The following PSMA8 variants were observed in gnomAD, a reference collection of about 807,000 sequenced individuals.
PSMA8 encodes proteasome subunit alpha-type 8.
PSMA8 carries 18 observed loss-of-function variants against 32.4 expected under a neutral mutation model. The ratio of observed to expected loss-of-function variants is 0.56; its 90% CI spans 0.38 to 0.82. PSMA8 has a LOEUF of 0.82. Ranked by LOEUF, PSMA8 falls within the 40% of genes least tolerant of loss-of-function variation. The pLI, the probability that PSMA8 is intolerant of heterozygous loss-of-function variation, is 0.00. For missense variants in PSMA8, 298 were observed against 300.7 expected (o/e 0.99, Z 0.07); for synonymous variants, 104 against 98.1 (o/e 1.06, Z -0.36).
intron 6 of PSMA8, among the ~76,000 whole-genome samples, chr18:26,190,022 A>G (rs1477107047): frequency 6.6e-6 from 1 of 152,176 alleles, no homozygotes; most frequent in Admixed American, 6.5e-5. Flanking sequence ...GGAGATCATT[A>G]TGTTAAATAA....
At chr18:26,165,675 TA>T (rs372422301) in intron 4 of PSMA8, among the ~76,000 whole-genome samples, 8,553 of 146,594 alleles carry the variant, frequency 0.058, 701 homozygotes, top group African/African-American at 0.19. Context: ...ATAGCAGTGA[TA>T]AAAAAAAAAA....
intron 4 of PSMA8, 148 bp downstream of exon 4, chr18:26,158,392 T>TTAAG: frequency 1.5e-6 from 1 of 685,134 alleles, no homozygotes; most frequent in Non-Finnish European, 2.3e-6. Context: ...GAAACTACAA[T>TTAAG]GATTTTGGTT....
chr18:26,143,961 G>A (rs933942356), intron 1 of PSMA8, among the ~76,000 whole-genome samples: 4 of 151,878 alleles, frequency 2.6e-5, no homozygotes, highest in East Asian at 1.9e-4. Flanking sequence ...ACCTCAAGTC[G>A]TCCTCCTGCC....
chr18:26,158,369 A>G, intron 4 of PSMA8, 125 bp downstream of exon 4: 2 of 777,186 alleles, frequency 2.6e-6, no homozygotes, highest in African/African-American at 1.8e-5. Context: ...AAATGTAACT[A>G]TTCAGCTCGT....
chr18:26,176,982 T>TC (rs1372317220), intron 4 of PSMA8, among the ~76,000 whole-genome samples: 1 of 152,032 alleles, frequency 6.6e-6, no homozygotes, highest in Non-Finnish European at 1.5e-5. Flanking sequence ...ACTGAGACAT[T>TC]CCCCCATTTA....
intron 3 of PSMA8, among the ~76,000 whole-genome samples, chr18:26,156,941 C>A (rs1245734303): frequency 6.6e-6 from 1 of 150,824 alleles, no homozygotes; most frequent in Admixed American, 6.6e-5. Context: ...TGCACACCAC[C>A]ATGCCTGGCT....
intron 3 of PSMA8, among the ~76,000 whole-genome samples, chr18:26,153,977 C>T (rs1370326561): frequency 6.6e-6 from 1 of 152,166 alleles, no homozygotes; most frequent in Non-Finnish European, 1.5e-5. Context: ...TCTCAGCTCC[C>T]TGCAACCTCT....
At chr18:26,143,883 G>A (rs766738196) in intron 1 of PSMA8, among the ~76,000 whole-genome samples, 9 of 151,922 alleles carry the variant, frequency 5.9e-5, no homozygotes, top group African/African-American at 1.9e-4. Flanking sequence ...CACTATGCCC[G>A]GCTAATTTTT....
intron 3 of PSMA8, among the ~76,000 whole-genome samples, chr18:26,155,842 A>G (rs1457935927): frequency 2.6e-5 from 4 of 152,220 alleles, no homozygotes; most frequent in African/African-American, 9.6e-5. Context: ...CAGCCAAAGA[A>G]ACAGTCAACA....
intron 6 of PSMA8, among the ~76,000 whole-genome samples, chr18:26,191,302 G>T (rs1007905718): frequency 6.6e-6 from 1 of 151,814 alleles, no homozygotes; most frequent in Non-Finnish European, 1.5e-5. Flanking sequence ...TTAGATTTTT[G>T]TATATAAATG....
intron 1 of PSMA8, among the ~76,000 whole-genome samples, chr18:26,136,708 C>T (rs1251701559): frequency 1.3e-5 from 2 of 152,130 alleles, no homozygotes; most frequent in Non-Finnish European, 2.9e-5. Flanking sequence ...TCTTTAATTT[C>T]AGGTATATTT....
At chr18:26,181,428 T>C (rs1347838387) in intron 6 of PSMA8, among the ~76,000 whole-genome samples, 1 of 152,034 alleles carries the variant, frequency 6.6e-6, no homozygotes, top group Non-Finnish European at 1.5e-5. Flanking sequence ...CATAACAATA[T>C]TGAAAATAGG....
At chr18:26,158,480 CAAGT>C in intron 4 of PSMA8, among the ~76,000 whole-genome samples, 1 of 152,216 alleles carries the variant, frequency 6.6e-6, no homozygotes, top group East Asian at 1.9e-4. Context: ...TATAAATGGC[CAAGT>C]AAGAGAAATA....
chr18:26,142,418 T>C (rs1372435220), intron 1 of PSMA8, among the ~76,000 whole-genome samples: 2 of 152,144 alleles, frequency 1.3e-5, no homozygotes, highest in Non-Finnish European at 2.9e-5. Context: ...ATTTTTAGAT[T>C]ACCCCTGTAA....
chr18:26,171,253 A>T, intron 4 of PSMA8: 5 of 1,560,266 alleles, frequency 3.2e-6, no homozygotes, highest in Non-Finnish European at 4.3e-6. Context: ...ATGTTCTGGG[A>T]CACAGCGACG....
chr18:26,159,987 G>A (rs890065725), intron 4 of PSMA8, among the ~76,000 whole-genome samples: 147 of 152,198 alleles, frequency 9.7e-4, no homozygotes, highest in African/African-American at 3.4e-3. Flanking sequence ...GGGGTTAAGT[G>A]ATTTTTGTTG....
At chr18:26,166,138 T>G (rs1598658810) in intron 4 of PSMA8, among the ~76,000 whole-genome samples, 2 of 151,886 alleles carry the variant, frequency 1.3e-5, no homozygotes, top group East Asian at 3.9e-4. Context: ...AAAGAAAAAC[T>G]GCAACATTAT....
chr18:26,140,306 C>G (rs532360287), intron 1 of PSMA8, among the ~76,000 whole-genome samples: 1 of 152,324 alleles, frequency 6.6e-6, no homozygotes, highest in Admixed American at 6.5e-5. Flanking sequence ...CCTGAGTCCA[C>G]AGGAGCAGAC....
intron 1 of PSMA8, among the ~76,000 whole-genome samples, chr18:26,138,066 A>T (rs1228745160): frequency 3.3e-5 from 5 of 152,244 alleles, no homozygotes; most frequent in African/African-American, 1.2e-4. Flanking sequence ...TGAAGCTAGA[A>T]ACTGGTGCCA....
Sources: allele counts gnomAD v4.1 joint callset (sites outside exome capture counted in the v4.1 genomes callset), GRCh38; gene constraint gnomAD v4.1.1; transcripts MANE v1.5; gene names NCBI Gene and HGNC (gene_info 2026-07-23, HGNC 2026-07-21).